Variants in SATL1 observed in about 807,000 individuals in gnomAD.
SATL1 encodes spermidine/spermine N1-acetyl transferase like 1.
Under a neutral mutation model 51.8 loss-of-function variants are expected in SATL1, and 47 were observed. The ratio of observed to expected loss-of-function variants is 0.91; its 90% CI spans 0.72 to 1.16. The LOEUF is 1.16. Among genes scored for constraint, SATL1 ranks in the 50% most tolerant of loss-of-function variants. The probability of loss-of-function intolerance (pLI) is 0.00; values close to 1 mark genes in which losing one functional copy is unlikely to be tolerated. For missense variants in SATL1, 520 were observed against 526.4 expected (o/e 0.99, Z 0.12); for synonymous variants, 176 against 182.4 (o/e 0.97, Z 0.28).
chrX:85,094,776 C>T (rs1924646308), intron 5 of SATL1, 140 bp downstream of exon 5: 3 of 435,990 alleles, frequency 6.9e-6, no homozygotes, highest in East Asian at 3.8e-5. Context: ...TAAGTACATA[C>T]CATGCATTTT....
At chrX:85,243,119 C>T (rs1400403260) in intron 1 of SATL1, among the ~76,000 whole-genome samples, 1 of 112,065 alleles carries the variant, frequency 8.9e-6, no homozygotes, top group African/African-American at 3.2e-5. Flanking sequence ...AAGAATGTAT[C>T]TAGAATCTAG....
intron 2 of SATL1, among the ~76,000 whole-genome samples, chrX:85,140,468 A>G: frequency 8.9e-6 from 1 of 112,177 alleles, no homozygotes; most frequent in Non-Finnish European, 1.9e-5. Flanking sequence ...AAGTGGCAGA[A>G]TTAAGGTAAT....
In SATL1 at chrX:85,108,332, T is replaced by C. The variant is rs750407303; in HGVS notation, c.637A>G (p.Met213Val). Reference sequence around the variant, plus strand: ...TGCTGGCTCATGCCTGGTTGACTCATGTCTGGGTGGCTTGGGACTTGCTGG... The same window carrying C: ...TGCTGGCTCATGCCTGGTTGACTCACGTCTGGGTGGCTTGGGACTTGCTGG... Reference protein sequence around the residue: ...ISQQVPSHPDMSQPGMSQQVP... With the variant: ...ISQQVPSHPDVSQPGMSQQVP... Residue 213 changes from methionine (M) to valine (V), a missense_variant, in exon 3 of 8, where the codon ATG becomes GTG. By Grantham distance (21) the Met-to-Val change is conservative. This residue lies in a region of SATL1 where 488 missense variants were observed against 474.3 expected (regional missense o/e 1.03). Transcript: ENST00000644105. 2.5e-6 allele frequency: 3 copies of C among 1,211,483 alleles called. No individual in the cohort carries two copies.
chrX:85,234,459 A>G (rs1928442353), intron 1 of SATL1, among the ~76,000 whole-genome samples: 1 of 112,310 alleles, frequency 8.9e-6, no homozygotes, highest in Admixed American at 9.4e-5. Flanking sequence ...TAGAAAGACT[A>G]AAAGATAAAT....
intron 2 of SATL1, among the ~76,000 whole-genome samples, chrX:85,174,784 T>A (rs779420742): frequency 1.8e-5 from 2 of 111,931 alleles, no homozygotes; most frequent in Non-Finnish European, 3.8e-5. Context: ...ATTTGTAATA[T>A]TTGTTTTAGC....
In SATL1 at chrX:85,228,870, G is replaced by A. The variant is rs190526570; in HGVS notation, c.-434-4544C>T. Among the ~76,000 whole-genome samples the A allele has an allele frequency of 4.0e-3, 450 of 111,165 alleles. 2 individuals carry two copies. Among genetic ancestry groups the A allele is most frequent in the African/African-American group, 0.014 (431 of 30,634 alleles). ...TCTTTCTTGATGATCTCCAAATTTT[G>A]TATTTCAATCCTGGACTTCTCCCCT... On this transcript the variant is annotated intron_variant, in intron 1 of 7. Coordinates refer to ENST00000644105, the MANE Select transcript of SATL1 (RefSeq NM_001367857.2).
At chrX:85,225,513 C>T (rs2147763134) in intron 1 of SATL1, among the ~76,000 whole-genome samples, 1 of 111,711 alleles carries the variant, frequency 9.0e-6, no homozygotes, top group South Asian at 3.7e-4. Flanking sequence ...AGGAGGAAGT[C>T]CCTAAATTTT....
intron 1 of SATL1, among the ~76,000 whole-genome samples, chrX:85,241,435 T>C (rs1815043704): frequency 8.9e-6 from 1 of 111,917 alleles, no homozygotes; most frequent in South Asian, 3.7e-4. Flanking sequence ...AAAACAAAAG[T>C]TGAAATTTTA....
chrX:85,183,186 A>C (rs758928259), intron 2 of SATL1, among the ~76,000 whole-genome samples: 2 of 110,681 alleles, frequency 1.8e-5, no homozygotes, highest in Non-Finnish European at 3.8e-5. Flanking sequence ...TTATTTTTTT[A>C]ACTAGTATTT....
At chrX:85,153,479 C>T (rs1440764680) in intron 2 of SATL1, among the ~76,000 whole-genome samples, 5 of 111,637 alleles carry the variant, frequency 4.5e-5, no homozygotes, top group East Asian at 5.6e-4. Context: ...TTTCTTCATA[C>T]GTGCCACATC....
intron 4 of SATL1, among the ~76,000 whole-genome samples, chrX:85,099,861 A>G (rs1435804980): frequency 8.9e-6 from 1 of 112,508 alleles, no homozygotes; most frequent in African/African-American, 3.2e-5. Flanking sequence ...CTGGTATTCA[A>G]CATTGTACTG....
intron 2 of SATL1, among the ~76,000 whole-genome samples, chrX:85,144,293 G>C (rs775992846): frequency 1.4e-3 from 160 of 111,617 alleles, no homozygotes; most frequent in African/African-American, 5.1e-3. Flanking sequence ...ACTCCTTTTA[G>C]CAATATGTTT....
At chrX:85,152,350 C>T (rs1926469550) in intron 2 of SATL1, among the ~76,000 whole-genome samples, 1 of 111,405 alleles carries the variant, frequency 9.0e-6, no homozygotes, top group South Asian at 3.8e-4. Flanking sequence ...GATATAGGAA[C>T]ACTTTTACAC....
intron 2 of SATL1, among the ~76,000 whole-genome samples, chrX:85,215,637 A>G (rs1362866887): frequency 8.9e-6 from 1 of 112,526 alleles, no homozygotes; most frequent in Non-Finnish European, 1.9e-5. Context: ...AGCCTTCCAC[A>G]AAGCCCTAGG....
In SATL1 at chrX:85,160,446, G is replaced by A. The variant is rs771346414; in HGVS notation, c.-312-51166C>T. ...AGAAAACTAAGGATCACAGTAAAAC[G>A]ATACAGGAGCTGACAGAAAAAATAG... On this transcript the variant is annotated intron_variant, in intron 2 of 7. Coordinates refer to ENST00000644105, the MANE Select transcript of SATL1 (RefSeq NM_001367857.2). Among the ~76,000 whole-genome samples the A allele has an allele frequency of 1.2e-3, 131 of 110,437 alleles. 2 individuals carry two copies. The highest frequency in any genetic ancestry group is 4.3e-3 in the South Asian group (11 of 2,576).
chrX:85,161,727 A>G (rs1258610948), intron 2 of SATL1, among the ~76,000 whole-genome samples: 1 of 111,535 alleles, frequency 9.0e-6, no homozygotes, highest in Admixed American at 9.6e-5. Flanking sequence ...ATGGGAGACT[A>G]CAATACCTAC....
chrX:85,134,296 T>TGA (rs770561922), intron 2 of SATL1, among the ~76,000 whole-genome samples: 1 of 111,155 alleles, frequency 9.0e-6, no homozygotes, highest in Non-Finnish European at 1.9e-5. Context: ...AAACCTAAAA[T>TGA]GAGAAATGTC....
chrX:85,100,258 A>G (rs771466783), intron 4 of SATL1, among the ~76,000 whole-genome samples: 2 of 112,624 alleles, frequency 1.8e-5, no homozygotes, highest in Admixed American at 1.9e-4. Flanking sequence ...AGGTAAAACT[A>G]TCTATTTGCA....
chrX:85,094,966 G>A lies in SATL1; in HGVS notation c.1724C>T (p.Pro575Leu). 8.5e-7 allele frequency: 1 copy of A among 1,174,262 alleles called. No individual in the cohort carries two copies. Residue 575 changes from proline to leucine, a missense_variant, in exon 5 of 8, where the codon CCC becomes CTC. This residue lies in a region of SATL1 where 488 missense variants were observed against 474.3 expected (regional missense o/e 1.03). Transcript: ENST00000644105. ...TTCTGCAATCAGGCAGTAGAAAAGG[G>A]GATTGTCCCCAAAGCCATCTCTGAG... ...DLLRDGFGDN[P>L]LFYCLIAEVN...
Sources: allele counts gnomAD v4.1 joint callset (sites outside exome capture counted in the v4.1 genomes callset), GRCh38; gene constraint gnomAD v4.1.1; regional missense constraint gnomAD v4.1.1; transcripts MANE v1.5; gene names NCBI Gene and HGNC (gene_info 2026-07-23, HGNC 2026-07-21).